The following ZNF728 variants were observed in gnomAD, a reference collection of about 807,000 sequenced individuals.
ZNF728 encodes zinc finger protein 728.
ZNF728 carries 12 observed loss-of-function variants against 12.5 expected under a neutral mutation model. The observed-to-expected ratio is 0.96, with a 90% confidence interval of 0.61 to 1.55. ZNF728 has a LOEUF of 1.55. Ranked by LOEUF, ZNF728 falls within the 40% of genes most tolerant of loss-of-function variation. The pLI, the probability that ZNF728 is intolerant of heterozygous loss-of-function variation, is 0.00. For missense variants in ZNF728, 692 were observed against 719.2 expected (o/e 0.96, Z 0.43); for synonymous variants, 205 against 240.7 (o/e 0.85, Z 1.37).
intron 3 of ZNF728, among the ~76,000 whole-genome samples, chr19:22,986,957 TA>T (rs1245091742): frequency 3.3e-5 from 5 of 152,110 alleles, no homozygotes; most frequent in Non-Finnish European, 7.4e-5. Flanking sequence ...AAAGAGAACT[TA>T]AAAGATAGTT....
Position 22,975,585 on chromosome 19 carries a change from T to C in ZNF728, c.1752A>G (p.Lys584=). 2 of 1,604,174 alleles carry C rather than the reference T, an allele frequency of 1.2e-6. No homozygotes were observed. The highest frequency in any genetic ancestry group is 2.2e-5 in the South Asian group (2 of 90,284). Residue 584 remains lysine, a synonymous_variant, in exon 4 of 4, where the codon AAA becomes AAG. Transcript: ENST00000594710. ...SWVSVLNKHK[K]IHAGKKFYKC... is the part of the protein sequence containing the mutation. ...TGTAGAATTTCTTTCCAGCATGAAT[T>C]TTCTTATGTTTGTTAAGGACTGAGA...
intron 1 of ZNF728, among the ~76,000 whole-genome samples, chr19:22,994,234 C>T (rs113075362): frequency 7.9e-5 from 12 of 152,260 alleles, no homozygotes; most frequent in Non-Finnish European, 1.2e-4. Flanking sequence ...AGTAGGCAGA[C>T]GCACAATTCC....
At chr19:22,990,794 A>G (rs925934733) in intron 1 of ZNF728, among the ~76,000 whole-genome samples, 6 of 151,948 alleles carry the variant, frequency 3.9e-5, no homozygotes, top group African/African-American at 1.5e-4. Flanking sequence ...ACAAGTAAAA[A>G]GAGTTCTGCA....
In ZNF728 at chr19:22,988,447, G is replaced by A. The variant is rs373770152; in HGVS notation, c.8C>T (p.Ser3Leu). ...TATGGCCACATCCCGAAATGTCAAC[G>A]ATCCCTGGAAAACACACACAAACAC... The part of the protein sequence containing the change: MG[S>L]LTFRDVAIQF... The change falls in exon 2 of 4, where the codon TCG becomes TTG. Residue 3 changes from serine (S) to leucine (L), a missense_variant. Physicochemically the swap from Ser to Leu is moderately radical, Grantham distance 145. Transcript: ENST00000594710. 1.6e-4 allele frequency: 252 copies of A among 1,613,812 alleles called. No individual in the cohort carries two copies. The highest frequency in any genetic ancestry group is 7.6e-4 in the African/African-American group (57 of 74,996).
intron 3 of ZNF728, among the ~76,000 whole-genome samples, chr19:22,978,302 TAA>T (rs35513624): frequency 7.0e-5 from 9 of 127,990 alleles, no homozygotes; most frequent in Admixed American, 8.0e-5. Flanking sequence ...GTCAAAGTCC[TAA>T]AAAAAAAAAA....
At chr19:22,988,266 C>T in intron 2 of ZNF728, 59 bp downstream of exon 2, 2 of 1,611,940 alleles carry the variant, frequency 1.2e-6, no homozygotes, top group Non-Finnish European at 1.7e-6. Flanking sequence ...CCAATAAAGT[C>T]CACAGCAAAA....
At chr19:22,977,740 G>A (rs1968821738) in intron 3 of ZNF728, among the ~76,000 whole-genome samples, 2 of 152,140 alleles carry the variant, frequency 1.3e-5, no homozygotes, top group Non-Finnish European at 1.5e-5. Flanking sequence ...CAAATCTGAA[G>A]ATGTTTGAGA....
At chr19:22,986,373 C>T (rs1451977257) in intron 3 of ZNF728, among the ~76,000 whole-genome samples, 1 of 150,762 alleles carries the variant, frequency 6.6e-6, no homozygotes, top group Non-Finnish European at 1.5e-5. Context: ...ATAAAAAAAA[C>T]CATAAACAGT....
intron 1 of ZNF728, 63 bp downstream of exon 1, chr19:23,002,965 A>C: frequency 6.3e-7 from 1 of 1,585,340 alleles, no homozygotes; most frequent in South Asian, 1.1e-5. Context: ...CGCCACAGCC[A>C]CTTCCCACCG....
rs749062049 is a variant in ZNF728, at chr19:22,976,664, C to T, written c.673G>A (p.Glu225Lys). Residue 225 changes from glutamate to lysine, a missense_variant, in exon 4 of 4, where the codon GAG becomes AAG. Around this residue, in one of 3 missense-constraint regions of ZNF728, gnomAD observed 440 missense variants for 459.6 expected, o/e 0.96. Transcript: ENST00000594710. ...ALTYKRIHTGEKPCKCEECGK... is the reference protein window; with the variant it reads ...ALTYKRIHTGKKPCKCEECGK... ...CATTCTTCACATTTGCAGGGTTTCT[C>T]TCCAGTATGAATTCTCTTATAAGTA... The T allele has an allele frequency of 4.3e-6, 7 of 1,613,048 alleles. No individual in the cohort carries two copies. The highest frequency in any genetic ancestry group is 1.1e-5 in the South Asian group (1 of 91,076).
chr19:22,984,513 T>C (rs1968892905), intron 3 of ZNF728, among the ~76,000 whole-genome samples: 1 of 146,364 alleles, frequency 6.8e-6, no homozygotes, highest in Admixed American at 6.9e-5. Flanking sequence ...GAGCCAAGAT[T>C]GTGCCGCTAC....
At chr19:22,979,422 C>T (rs1427529987) in intron 3 of ZNF728, among the ~76,000 whole-genome samples, 1 of 152,148 alleles carries the variant, frequency 6.6e-6, no homozygotes, top group Admixed American at 6.5e-5. Context: ...GAGAATGGAA[C>T]CAAGTTGGAA....
At chr19:22,998,582 G>T (rs976736972) in intron 1 of ZNF728, among the ~76,000 whole-genome samples, 2 of 151,946 alleles carry the variant, frequency 1.3e-5, no homozygotes, top group African/African-American at 2.4e-5. Flanking sequence ...TAAAAATTGG[G>T]GACTCCCATA....
intron 3 of ZNF728, 70 bp from the exon 4 acceptor site, chr19:22,977,180 A>T (rs1968816287): frequency 7.3e-7 from 1 of 1,365,496 alleles, no homozygotes; most frequent in Non-Finnish European, 9.7e-7. Flanking sequence ...TTAACCTATA[A>T]AATTATTCAA....
At position 22,988,467 on chromosome 19, in the gene ZNF728, A is replaced by T; in HGVS notation, c.4-16T>A. Reference sequence around the variant, plus strand: ...TCAACGATCCCTGGAAAACACACACAAACACACATATTTACCAAGTGGTCA... The same window carrying T: ...TCAACGATCCCTGGAAAACACACACTAACACACATATTTACCAAGTGGTCA... On this transcript the variant is annotated splice_polypyrimidine_tract_variant and intron_variant, in intron 1 of 3. Coordinates refer to ENST00000594710, the MANE Select transcript of ZNF728 (RefSeq NM_001267716.2). 6.2e-7 allele frequency: 1 copy of T among 1,613,424 alleles called. No homozygotes were observed.
intron 1 of ZNF728, among the ~76,000 whole-genome samples, chr19:23,002,615 C>G (rs576164053): frequency 6.6e-6 from 1 of 152,156 alleles, no homozygotes; most frequent in African/African-American, 2.4e-5. Context: ...AATATTTGTG[C>G]GGTGACTTCT....
In ZNF728 at chr19:22,976,555, C is replaced by T; in HGVS notation, c.782G>A (p.Cys261Tyr). ...TGAGGACCGGGTGAAGGCTTTGCCACATTCTTCACATTTGTAATGTTTCTC... is the reference window on the plus strand; with the variant it reads ...TGAGGACCGGGTGAAGGCTTTGCCATATTCTTCACATTTGTAATGTTTCTC... ...TGEKHYKCEE[C>Y]GKAFTRSSSL... is the part of the protein sequence containing the mutation. The change falls in exon 4 of 4, where the codon TGT becomes TAT. Residue 261 changes from cysteine (C) to tyrosine (Y), a missense_variant. Coordinates refer to ENST00000594710, the MANE Select transcript of ZNF728 (RefSeq NM_001267716.2). 1.2e-6 allele frequency: 2 copies of T among 1,612,540 alleles called. No homozygotes were observed. The highest frequency in any genetic ancestry group is 1.7e-6 in the Non-Finnish European group (2 of 1,179,898).
In ZNF728 at chr19:22,976,546, G is replaced by C. The variant is rs1485894723; in HGVS notation, c.791C>G (p.Ala264Gly). The C allele has an allele frequency of 6.2e-7, 1 of 1,612,408 alleles. No homozygotes were observed. The change falls in exon 4 of 4, where the codon GCC becomes GGC. Residue 264 changes from alanine to glycine, a missense_variant. By Grantham distance (60) the Ala-to-Gly change is moderately conservative. Around this residue, in one of 3 missense-constraint regions of ZNF728, gnomAD observed 440 missense variants for 459.6 expected, o/e 0.96. Coordinates refer to ENST00000594710, the MANE Select transcript of ZNF728 (RefSeq NM_001267716.2). The part of the protein sequence containing the change: ...KHYKCEECGK[A>G]FTRSSSLIEH... ...AATAAGGCTTGAGGACCGGGTGAAG[G>C]CTTTGCCACATTCTTCACATTTGTA...
chr19:22,998,338 A>G (rs1969070751), intron 1 of ZNF728, among the ~76,000 whole-genome samples: 1 of 149,310 alleles, frequency 6.7e-6, no homozygotes, highest in African/African-American at 2.5e-5. Flanking sequence ...TGGACAACAT[A>G]GCAAAATCCC....
Sources: gnomAD v4.1 joint callset for allele counts (sites outside exome capture counted in the v4.1 genomes callset) on GRCh38, gnomAD v4.1.1 for gene constraint, gnomAD v4.1.1 regional missense constraint, MANE v1.5 for transcripts, NCBI Gene and HGNC (gene_info 2026-07-23, HGNC 2026-07-21) for gene names.